Variants in RSPO4 observed in about 807,000 individuals in gnomAD.
RSPO4 encodes the protein R-spondin 4.
A neutral mutation model predicts 24.8 loss-of-function variants in RSPO4; 23 were observed. The observed-to-expected ratio is 0.93, with a 90% CI of 0.67 to 1.31. RSPO4 has a LOEUF of 1.31. Ranked by LOEUF, RSPO4 falls within the 40% of genes most tolerant of loss-of-function variation. RSPO4 has a pLI of 0.00. For missense variants in RSPO4, 333 were observed against 316.5 expected, an observed-to-expected ratio of 1.05 and a Z score of -0.39; for synonymous variants, 141 against 127.4, an observed-to-expected ratio of 1.11 and a Z score of -0.72.
Position 963,946 on chromosome 20 carries a change from G to A in RSPO4, c.584C>T (p.Pro195Leu), listed in dbSNP as rs748229508. 4.6e-5 allele frequency: 74 copies of A among 1,613,740 alleles called. No individual in the cohort carries two copies. The highest frequency in any genetic ancestry group is 6.7e-5 in the African/African-American group (5 of 74,930). Residue 195 changes from proline (P) to leucine (L), a missense_variant, in exon 4 of 5, where the codon CCC (proline) becomes CTC (leucine). Physicochemically the swap from Pro to Leu is moderately conservative, Grantham distance 98. Coordinates refer to ENST00000217260, the MANE Select transcript of RSPO4 (RefSeq NM_001029871.4). Reference sequence around the variant, plus strand: ...GTCCTGGGGCTCACCTCCTGGGCAGGGCCTCTGGATGGGACATTTCCTTGA... The same window carrying A: ...GTCCTGGGGCTCACCTCCTGGGCAGAGCCTCTGGATGGGACATTTCCTTGA... ...SESRKCPIQR[P>L]CPGERSPGQK...
chr20:973,509 T>C (rs968681048), intron 1 of RSPO4, among the ~76,000 whole-genome samples: 6 of 152,104 alleles, frequency 3.9e-5, no homozygotes, highest in Non-Finnish European at 8.8e-5. Context: ...AGCCTCACTC[T>C]GTTGCCCAGA....
chr20:974,803 G>T (rs1035474576), intron 1 of RSPO4, among the ~76,000 whole-genome samples: 1 of 152,156 alleles, frequency 6.6e-6, no homozygotes, highest in Non-Finnish European at 1.5e-5. Flanking sequence ...CACAGACAAA[G>T]ACCAAAAAGA....
intron 4 of RSPO4, among the ~76,000 whole-genome samples, chr20:963,421 G>T (rs961248406): frequency 1.3e-5 from 2 of 152,106 alleles, no homozygotes; most frequent in African/African-American, 4.8e-5. Flanking sequence ...TTGGGAAATC[G>T]CATCTCTGAT....
chr20:999,734 CTGGGGAGG>C (rs750721597), intron 1 of RSPO4, among the ~76,000 whole-genome samples: 27 of 152,010 alleles, frequency 1.8e-4, no homozygotes, highest in Non-Finnish European at 3.2e-4. Flanking sequence ...CACTGAGCTC[CTGGGGAGG>C]TGGTGGTGAG....
chr20:991,695 G>C (rs1985108921), intron 1 of RSPO4, among the ~76,000 whole-genome samples: 1 of 151,066 alleles, frequency 6.6e-6, no homozygotes, highest in Non-Finnish European at 1.5e-5. Flanking sequence ...TAAAAATAAA[G>C]TGTAAAAATC....
At chr20:967,818 C>G in intron 2 of RSPO4, 132 bp downstream of exon 2, 1 of 935,628 alleles carries the variant, frequency 1.1e-6, no homozygotes, top group South Asian at 1.3e-5. Flanking sequence ...TGGACACAGG[C>G]AGGTATCTCA....
intron 2 of RSPO4, among the ~76,000 whole-genome samples, chr20:967,735 G>C (rs944075797): frequency 2.6e-5 from 4 of 152,244 alleles, no homozygotes; most frequent in African/African-American, 9.6e-5. Context: ...GGGTAGAAGT[G>C]AAAGTTGCCT....
At chr20:995,596 C>T (rs1318548027) in intron 1 of RSPO4, among the ~76,000 whole-genome samples, 5 of 152,128 alleles carry the variant, frequency 3.3e-5, no homozygotes, top group South Asian at 2.1e-4. Flanking sequence ...AGATTCAGGG[C>T]GATTAGAAAC....
At chr20:967,007 A>G (rs927085697) in intron 3 of RSPO4, among the ~76,000 whole-genome samples, 167 bp downstream of exon 3, 3 of 152,198 alleles carry the variant, frequency 2.0e-5, no homozygotes, top group Non-Finnish European at 2.9e-5. Context: ...AGTGTTTTGC[A>G]GTTACTATGT....
At chr20:995,902 C>A (rs1204517377) in intron 1 of RSPO4, among the ~76,000 whole-genome samples, 1 of 152,214 alleles carries the variant, frequency 6.6e-6, no homozygotes, top group African/African-American at 2.4e-5. Context: ...CACACACTCA[C>A]ATACATCCAC....
chr20:982,813 T>C (rs1471440026), intron 1 of RSPO4, among the ~76,000 whole-genome samples: 1 of 152,348 alleles, frequency 6.6e-6, no homozygotes, highest in East Asian at 1.9e-4. Context: ...CTCCCTCTTG[T>C]CGGGGGTTTA....
Position 963,918 on chromosome 20 carries a change from C to T in RSPO4, c.595+17G>A. On this transcript the variant is annotated intron_variant, in intron 4 of 4. Transcript: ENST00000217260. ...GCCTTTCCCACCGCAGCCTCGTGTG[C>T]CTGTCCTGGGGCTCACCTCCTGGGC... 6.2e-7 allele frequency: 1 copy of T among 1,612,926 alleles called. No homozygotes were observed. The highest frequency in any genetic ancestry group is 8.5e-7 in the Non-Finnish European group (1 of 1,179,756).
chr20:984,103 T>A (rs1984825717), intron 1 of RSPO4, among the ~76,000 whole-genome samples: 1 of 152,116 alleles, frequency 6.6e-6, no homozygotes, highest in Admixed American at 6.5e-5. Context: ...TTTGGGAGGC[T>A]GAGGCGGGTG....
chr20:961,238 G>A (rs1471200676), intron 4 of RSPO4, among the ~76,000 whole-genome samples: 1 of 152,160 alleles, frequency 6.6e-6, no homozygotes. Context: ...CCAGCCCTAA[G>A]TTTCTGCTTT....
At chr20:996,547 G>C (rs1309002649) in intron 1 of RSPO4, among the ~76,000 whole-genome samples, 1 of 152,170 alleles carries the variant, frequency 6.6e-6, no homozygotes, top group Non-Finnish European at 1.5e-5. Context: ...CGGATCTCAA[G>C]AGCCCAATAG....
At chr20:992,969 G>A (rs879753018) in intron 1 of RSPO4, among the ~76,000 whole-genome samples, 7 of 152,196 alleles carry the variant, frequency 4.6e-5, no homozygotes, top group Non-Finnish European at 8.8e-5. Flanking sequence ...GCTCATCCGG[G>A]ACTTGCTAGA....
chr20:968,493 A>C (rs1314356453), intron 1 of RSPO4, among the ~76,000 whole-genome samples: 1 of 152,248 alleles, frequency 6.6e-6, no homozygotes, highest in Non-Finnish European at 1.5e-5. Context: ...GAGGCGGTGG[A>C]AAAATCAGAT....
chr20:997,624 G>A (rs1348538178), intron 1 of RSPO4, among the ~76,000 whole-genome samples: 5 of 152,168 alleles, frequency 3.3e-5, no homozygotes, highest in Admixed American at 6.5e-5. Context: ...GCACTCAGGG[G>A]ACATACTTTG....
At position 962,886 on chromosome 20, in the gene RSPO4, C is replaced by T. The variant is rs1397378985; in HGVS notation, c.595+1049G>A. 2.0e-5 allele frequency among the ~76,000 whole-genome samples: 3 copies of T among 152,206 alleles called. No individual in the cohort carries two copies. In the East Asian group the frequency reaches 5.8e-4, roughly 29 times the overall value. ...AGGTGAGTGACTCAACCTTTCTGGG[C>T]CTCAGTCCCCTCATCTGTAAAATGG... On this transcript the variant is annotated intron_variant, in intron 4 of 4. Coordinates refer to ENST00000217260, the MANE Select transcript of RSPO4 (RefSeq NM_001029871.4).
Sources: gnomAD v4.1 joint callset for allele counts (sites outside exome capture counted in the v4.1 genomes callset) on GRCh38, gnomAD v4.1.1 for gene constraint, MANE v1.5 for transcripts, NCBI Gene and HGNC (gene_info 2026-07-23, HGNC 2026-07-21) for gene names.